B3GALT1: variants seen among roughly 807,000 people sequenced by gnomAD.
B3GALT1 encodes beta-1,3-galactosyltransferase 1, also known as UDP-Gal:betaGlcNAc beta 1,3-galactosyltransferase, polypeptide 1.
A neutral mutation model predicts 23.2 loss-of-function variants in B3GALT1; 10 were observed. The observed-to-expected ratio is 0.43, with a 90% confidence interval of 0.27 to 0.73. B3GALT1 has a LOEUF of 0.73. Ranked by LOEUF, B3GALT1 falls within the 30% of genes least tolerant of loss-of-function variation. The pLI, the probability that B3GALT1 is intolerant of heterozygous loss-of-function variation, is 0.21. For missense variants in B3GALT1, 299 were observed against 405.4 expected, an observed-to-expected ratio of 0.74 and a Z score of 2.25; for synonymous variants, 156 against 141.5, an observed-to-expected ratio of 1.10 and a Z score of -0.73.
intron 3 of B3GALT1, among the ~76,000 whole-genome samples, chr2:167,777,105 T>C (rs1313349519): frequency 2.0e-5 from 3 of 152,196 alleles, no homozygotes; most frequent in Non-Finnish European, 4.4e-5. Flanking sequence ...TTTTTCTAAG[T>C]ATCAGGCATA....
chr2:167,814,458 C>T (rs58065531), intron 3 of B3GALT1, among the ~76,000 whole-genome samples: 6,427 of 152,160 alleles, frequency 0.042, 192 homozygotes, highest in African/African-American at 0.072. Context: ...TGTGGCACTG[C>T]TAACAATTAA....
chr2:167,443,037 G>T (rs950821803), intron 1 of B3GALT1, among the ~76,000 whole-genome samples: 3 of 152,026 alleles, frequency 2.0e-5, no homozygotes, highest in African/African-American at 7.3e-5. Context: ...AATCCATCTT[G>T]AATTGATTTT....
At chr2:167,799,219 CA>C (rs1688594338) in intron 3 of B3GALT1, among the ~76,000 whole-genome samples, 1 of 152,086 alleles carries the variant, frequency 6.6e-6, no homozygotes, top group Non-Finnish European at 1.5e-5. Context: ...TTTAGGGGTA[CA>C]AGTAGTTTTT....
chr2:167,728,707 A>G (rs950090969), intron 3 of B3GALT1, among the ~76,000 whole-genome samples: 1 of 152,236 alleles, frequency 6.6e-6, no homozygotes, highest in African/African-American at 2.4e-5. Flanking sequence ...TGGTATTTCC[A>G]TATCATTAAA....
intron 1 of B3GALT1, among the ~76,000 whole-genome samples, chr2:167,473,489 C>T (rs1699447585): frequency 6.6e-6 from 1 of 152,044 alleles, no homozygotes; most frequent in Non-Finnish European, 1.5e-5. Flanking sequence ...AGAGAGGTGA[C>T]AGTGGATCAT....
chr2:167,801,755 A>C (rs1688642105), intron 3 of B3GALT1, among the ~76,000 whole-genome samples: 1 of 152,230 alleles, frequency 6.6e-6, no homozygotes, highest in South Asian at 2.1e-4. Flanking sequence ...ACATGACAAC[A>C]CTTAACCTGG....
At chr2:167,562,401 C>G (rs1365885028) in intron 2 of B3GALT1, among the ~76,000 whole-genome samples, 1 of 152,150 alleles carries the variant, frequency 6.6e-6, no homozygotes, top group Non-Finnish European at 1.5e-5. Context: ...TGGCACAAGA[C>G]AGGGTTGCCC....
intron 1 of B3GALT1, among the ~76,000 whole-genome samples, chr2:167,487,555 C>A (rs1699646344): frequency 6.6e-6 from 1 of 151,984 alleles, no homozygotes; most frequent in Non-Finnish European, 1.5e-5. Flanking sequence ...TAATAGTATT[C>A]TTTTATCTGT....
chr2:167,538,461 T>G (rs1290211891), intron 2 of B3GALT1, among the ~76,000 whole-genome samples: 1 of 152,192 alleles, frequency 6.6e-6, no homozygotes, highest in Non-Finnish European at 1.5e-5. Flanking sequence ...ATATAAAACC[T>G]GAAATATTGG....
At chr2:167,364,477 A>C (rs1015774706) in intron 1 of B3GALT1, among the ~76,000 whole-genome samples, 1 of 151,868 alleles carries the variant, frequency 6.6e-6, no homozygotes, top group African/African-American at 2.4e-5. Context: ...TCCTAATGCT[A>C]TCCTTCCCCG....
At chr2:167,495,042 G>A (rs969637842) in intron 2 of B3GALT1, among the ~76,000 whole-genome samples, 1 of 152,082 alleles carries the variant, frequency 6.6e-6, no homozygotes, top group African/African-American at 2.4e-5. Context: ...AAAAGATAAG[G>A]TAAAATGTTG....
intron 1 of B3GALT1, among the ~76,000 whole-genome samples, chr2:167,448,935 C>T (rs1340604662): frequency 6.6e-6 from 1 of 151,928 alleles, no homozygotes; most frequent in Non-Finnish European, 1.5e-5. Flanking sequence ...TTCTGGATTC[C>T]CTATTCCATT....
intron 3 of B3GALT1, among the ~76,000 whole-genome samples, chr2:167,667,739 G>A (rs148964707): frequency 3.3e-5 from 5 of 151,986 alleles, no homozygotes; most frequent in Non-Finnish European, 4.4e-5. Flanking sequence ...CCAGTTGATC[G>A]CATCGGCTGA....
chr2:167,526,808 G>A (rs1467667094), intron 2 of B3GALT1, among the ~76,000 whole-genome samples: 2 of 152,046 alleles, frequency 1.3e-5, no homozygotes, highest in Non-Finnish European at 2.9e-5. Context: ...GCCTTTGTCA[G>A]TATTTTAGAA....
chr2:167,443,401 A>G (rs1698927103), intron 1 of B3GALT1, among the ~76,000 whole-genome samples: 1 of 152,176 alleles, frequency 6.6e-6, no homozygotes, highest in South Asian at 2.1e-4. Flanking sequence ...GTTTCTTCCA[A>G]TTCTGTGAAG....
chr2:167,710,966 T>C (rs1574225472), intron 3 of B3GALT1, among the ~76,000 whole-genome samples: 1 of 152,002 alleles, frequency 6.6e-6, no homozygotes, highest in Non-Finnish European at 1.5e-5. Context: ...CCCTCCAGGG[T>C]TTTCCACTGC....
chr2:167,781,613 C>T (rs1006969727), intron 3 of B3GALT1, among the ~76,000 whole-genome samples: 2 of 152,190 alleles, frequency 1.3e-5, no homozygotes, highest in Non-Finnish European at 2.9e-5. Flanking sequence ...CACAGTATTT[C>T]CAGATTATTT....
rs183274462 is a variant in B3GALT1 at position 167,666,468 on chromosome 2, G to A, written c.-352+19502G>A. On this transcript the variant is annotated intron_variant, in intron 3 of 4. Coordinates refer to ENST00000392690, the MANE Select transcript of B3GALT1 (RefSeq NM_020981.4). ...AGTTCTGTAGATGTCTGTTAGGTCC[G>A]CTTGGTGCAGGGCTGAGTTCAATTC... is the stretch of plus-strand genomic sequence containing the variant. 9.8e-4 allele frequency among the ~76,000 whole-genome samples: 149 copies of A among 152,014 alleles called. 1 individual carries two copies. In the East Asian group the frequency reaches 0.017, roughly 17 times the overall value.
intron 1 of B3GALT1, among the ~76,000 whole-genome samples, chr2:167,475,124 T>A (rs1007724881): frequency 5.9e-5 from 9 of 152,134 alleles, no homozygotes; most frequent in African/African-American, 2.2e-4. Flanking sequence ...TCCAAAAATA[T>A]TAAATAGTAA....
Sources: gnomAD v4.1 joint callset for allele counts (sites outside exome capture counted in the v4.1 genomes callset) on GRCh38, gnomAD v4.1.1 for gene constraint, MANE v1.5 for transcripts, NCBI Gene and HGNC (gene_info 2026-07-23, HGNC 2026-07-21) for gene names.